TMEM232: variants seen among roughly 807,000 people sequenced by gnomAD.
TMEM232 encodes transmembrane protein 232.
A neutral mutation model predicts 78.8 loss-of-function variants in TMEM232; 80 were observed. The ratio of observed to expected loss-of-function variants is 1.01; its 90% CI spans 0.85 to 1.22. The LOEUF is 1.22. Among genes scored for constraint, TMEM232 ranks in the 50% most tolerant of loss-of-function variants. The pLI is 0.00. For missense variants in TMEM232, 881 were observed against 742.2 expected (o/e 1.19, Z -2.17); for synonymous variants, 297 against 254.3 (o/e 1.17, Z -1.60).
At chr5:110,544,885 C>T (rs73783635) in intron 11 of TMEM232, among the ~76,000 whole-genome samples, 5,889 of 151,924 alleles carry the variant, frequency 0.039, 177 homozygotes, top group African/African-American at 0.081. Context: ...TATCTCAGGC[C>T]CTATCTTTGT....
At chr5:110,476,312 T>C (rs13354696) in intron 12 of TMEM232, among the ~76,000 whole-genome samples, 5,735 of 151,930 alleles carry the variant, frequency 0.038, 374 homozygotes, top group African/African-American at 0.13. Flanking sequence ...GAAATTTTGA[T>C]ACAAAAATAA....
chr5:110,660,324 T>C (rs1338512101), intron 2 of TMEM232, among the ~76,000 whole-genome samples: 1 of 152,092 alleles, frequency 6.6e-6, no homozygotes, highest in East Asian at 1.9e-4. Context: ...TGCTCAAAGA[T>C]AATTTATGTT....
chr5:110,705,879 G>A (rs772890276), intron 1 of TMEM232, among the ~76,000 whole-genome samples: 4 of 151,312 alleles, frequency 2.6e-5, no homozygotes, highest in South Asian at 2.1e-4. Context: ...CTGAAATCAC[G>A]GACCCTAATT....
At chr5:110,523,789 C>T (rs1395924362) in intron 12 of TMEM232, among the ~76,000 whole-genome samples, 1 of 151,642 alleles carries the variant, frequency 6.6e-6, no homozygotes, top group African/African-American at 2.4e-5. Flanking sequence ...CCTGTCTCTA[C>T]AAAAATAAAT....
chr5:110,716,348 T>C (rs2150331126), intron 1 of TMEM232, among the ~76,000 whole-genome samples: 1 of 152,302 alleles, frequency 6.6e-6, no homozygotes, highest in Admixed American at 6.5e-5. Context: ...TTTATTTCTA[T>C]TATTGTTACA....
intron 1 of TMEM232, among the ~76,000 whole-genome samples, chr5:110,678,111 C>G (rs960530519): frequency 6.6e-6 from 1 of 152,168 alleles, no homozygotes; most frequent in African/African-American, 2.4e-5. Flanking sequence ...GTCGCCCAGG[C>G]TAGAGTGCAA....
chr5:110,638,658 A>T (rs1012645005), intron 4 of TMEM232, among the ~76,000 whole-genome samples: 1 of 152,074 alleles, frequency 6.6e-6, no homozygotes, highest in Non-Finnish European at 1.5e-5. Context: ...TCTCTCTCTC[A>T]AGATACTAGC....
chr5:110,489,369 A>G (rs1764790954), intron 12 of TMEM232, among the ~76,000 whole-genome samples: 1 of 152,076 alleles, frequency 6.6e-6, no homozygotes, highest in Admixed American at 6.6e-5. Context: ...ACATCTGGAA[A>G]TTAATGTAAT....
chr5:110,601,081 G>A (rs557926792), intron 10 of TMEM232, among the ~76,000 whole-genome samples: 60 of 152,250 alleles, frequency 3.9e-4, no homozygotes, highest in Non-Finnish European at 6.8e-4. Flanking sequence ...AATAGATGCA[G>A]AAAAGGCCTT....
chr5:110,555,536 A>C (rs1295590826), intron 11 of TMEM232, among the ~76,000 whole-genome samples: 1 of 152,150 alleles, frequency 6.6e-6, no homozygotes, highest in African/African-American at 2.4e-5. Flanking sequence ...TAAAGTGTCA[A>C]GTTTAGGTCC....
At chr5:110,474,205 CATTAT>C (rs562432323) in intron 12 of TMEM232, among the ~76,000 whole-genome samples, 24 of 151,934 alleles carry the variant, frequency 1.6e-4, no homozygotes, top group Non-Finnish European at 3.1e-4. Context: ...CTGATTTGAT[CATTAT>C]ATAACATGTA....
chr5:110,456,303 A>G (rs1390973270), intron 12 of TMEM232, among the ~76,000 whole-genome samples: 1 of 152,144 alleles, frequency 6.6e-6, no homozygotes, highest in Non-Finnish European at 1.5e-5. Flanking sequence ...AAAAAGATAT[A>G]CAACAACAAA....
intron 2 of TMEM232, among the ~76,000 whole-genome samples, chr5:110,734,229 TG>T (rs749414455): frequency 4.6e-5 from 7 of 152,252 alleles, no homozygotes; most frequent in Non-Finnish European, 8.8e-5. Context: ...TGGGTTCACC[TG>T]GGATTGTCCC....
chr5:110,699,237 TGAG>T (rs1580716536), intron 1 of TMEM232, among the ~76,000 whole-genome samples: 1 of 152,048 alleles, frequency 6.6e-6, no homozygotes, highest in East Asian at 1.9e-4. Context: ...GTTGAGAGCC[TGAG>T]GAGTGTACCT....
intron 3 of TMEM232, among the ~76,000 whole-genome samples, chr5:110,391,115 G>C (rs1042395283): frequency 6.6e-6 from 1 of 152,098 alleles, no homozygotes; most frequent in African/African-American, 2.4e-5. Flanking sequence ...TATTCCCTCT[G>C]TTTGGCAATA....
At chr5:110,442,974 G>C (rs1759231799) in intron 12 of TMEM232, among the ~76,000 whole-genome samples, 1 of 152,152 alleles carries the variant, frequency 6.6e-6, no homozygotes, top group African/African-American at 2.4e-5. Flanking sequence ...GGAACCAGGG[G>C]TGTGGTAATA....
upstream of TMEM232, among the ~76,000 whole-genome samples, chr5:110,728,198 T>C (rs2150368843): frequency 6.6e-6 from 1 of 151,970 alleles, no homozygotes; most frequent in South Asian, 2.1e-4. Flanking sequence ...CAAGTTTATA[T>C]AAGGAAGAAT....
chr5:110,652,819 T>G (rs987148223), intron 2 of TMEM232, among the ~76,000 whole-genome samples: 1 of 152,198 alleles, frequency 6.6e-6, no homozygotes, highest in Admixed American at 6.6e-5. Context: ...CATTCCAATT[T>G]CTCTGAAATA....
chr5:110,648,344 T>A (rs1227707162), intron 2 of TMEM232, among the ~76,000 whole-genome samples: 2 of 152,072 alleles, frequency 1.3e-5, no homozygotes, highest in Admixed American at 6.6e-5. Context: ...AACAGTTGGA[T>A]GTTTTCTATC....
Sources: gnomAD v4.1 joint callset for allele counts (sites outside exome capture counted in the v4.1 genomes callset) on GRCh38, gnomAD v4.1.1 for gene constraint, MANE v1.5 for transcripts, NCBI Gene and HGNC (gene_info 2026-07-23, HGNC 2026-07-21) for gene names.